SLC39A11: variants seen among roughly 807,000 people sequenced by gnomAD.
The protein encoded by SLC39A11 is solute carrier family 39 member 11.
Under a neutral mutation model 36.1 loss-of-function variants are expected in SLC39A11, and 33 were observed. The observed-to-expected ratio is 0.91, with a 90% CI of 0.69 to 1.22. SLC39A11 has a LOEUF of 1.22. Ranked by LOEUF, SLC39A11 falls within the 50% of genes most tolerant of loss-of-function variation. SLC39A11 has a pLI of 0.00. For synonymous variants in SLC39A11, 166 were observed against 170.3 expected (o/e 0.97, Z 0.20); for missense variants, 432 against 430.3 (o/e 1.00, Z -0.03).
chr17:72,791,170 A>C (rs115785369), intron 6 of SLC39A11, among the ~76,000 whole-genome samples: 88,468 of 151,738 alleles, frequency 0.58, 27,011 homozygotes, highest in Non-Finnish European at 0.69. Context: ...AAGTTTGAGA[A>C]CCGGCTGGGC....
At chr17:72,956,583 G>C (rs1260394465) in intron 4 of SLC39A11, among the ~76,000 whole-genome samples, 1 of 152,202 alleles carries the variant, frequency 6.6e-6, no homozygotes. Flanking sequence ...GAAGTATAAT[G>C]AAGTATTTCT....
chr17:72,719,604 G>A (rs1485830963), intron 7 of SLC39A11, among the ~76,000 whole-genome samples: 1 of 152,218 alleles, frequency 6.6e-6, no homozygotes, highest in East Asian at 1.9e-4. Flanking sequence ...GGACGGACAG[G>A]GCAGCAGTGG....
intron 4 of SLC39A11, among the ~76,000 whole-genome samples, chr17:72,989,036 C>T (rs1039502542): frequency 1.3e-5 from 2 of 152,192 alleles, no homozygotes; most frequent in Admixed American, 6.5e-5. Flanking sequence ...CACGATAAGA[C>T]CTCATCTTCA....
chr17:72,777,561 T>C (rs2076176025), intron 6 of SLC39A11, among the ~76,000 whole-genome samples: 1 of 151,932 alleles, frequency 6.6e-6, no homozygotes, highest in East Asian at 1.9e-4. Context: ...AAGATGGAGG[T>C]GGCATGGGAA....
intron 6 of SLC39A11, among the ~76,000 whole-genome samples, chr17:72,831,129 A>ATTT (rs146986695): frequency 2.7e-5 from 4 of 149,040 alleles, no homozygotes; most frequent in Non-Finnish European, 4.5e-5. Context: ...GGATTCAGAG[A>ATTT]TTTTTTTTTT....
intron 4 of SLC39A11, among the ~76,000 whole-genome samples, chr17:72,979,748 A>C (rs9898678): frequency 0.48 from 72,924 of 151,858 alleles, 18,102 homozygotes; most frequent in African/African-American, 0.6. Context: ...AATCTTGCCT[A>C]TAACAGGTAG....
chr17:72,901,473 G>T (rs2082391937), intron 5 of SLC39A11, among the ~76,000 whole-genome samples: 1 of 152,178 alleles, frequency 6.6e-6, no homozygotes, highest in Non-Finnish European at 1.5e-5. Flanking sequence ...AAGAAGTAGA[G>T]ATTTGGGTAC....
At chr17:72,688,403 T>C (rs1427692529) in intron 7 of SLC39A11, among the ~76,000 whole-genome samples, 1 of 152,228 alleles carries the variant, frequency 6.6e-6, no homozygotes, top group Non-Finnish European at 1.5e-5. Context: ...CCTGCAGCCG[T>C]GTCATGCTGG....
At chr17:72,930,645 C>A (rs1450649578) in intron 5 of SLC39A11, among the ~76,000 whole-genome samples, 1 of 152,162 alleles carries the variant, frequency 6.6e-6, no homozygotes, top group African/African-American at 2.4e-5. Context: ...GGATGAGGGG[C>A]TGAAGGATTG....
intron 4 of SLC39A11, 71 bp from the exon 5 acceptor site, chr17:72,947,946 G>A (rs1237201114): frequency 8.2e-6 from 13 of 1,580,190 alleles, no homozygotes; most frequent in South Asian, 2.2e-5. Context: ...TCTGGCTCAC[G>A]GGCGCCAAGG....
intron 3 of SLC39A11, among the ~76,000 whole-genome samples, chr17:73,076,679 C>T (rs1292731290): frequency 6.6e-6 from 1 of 152,144 alleles, no homozygotes; most frequent in Non-Finnish European, 1.5e-5. Context: ...CAGGATGGCA[C>T]ATTTCACTGA....
At chr17:72,754,170 T>C (rs1431887834) in intron 6 of SLC39A11, among the ~76,000 whole-genome samples, 4 of 151,730 alleles carry the variant, frequency 2.6e-5, no homozygotes, top group Admixed American at 1.3e-4. Flanking sequence ...TTGGAGACTA[T>C]TATTCTAAGT....
At chr17:72,880,504 C>A (rs2081142120) in intron 5 of SLC39A11, among the ~76,000 whole-genome samples, 1 of 151,900 alleles carries the variant, frequency 6.6e-6, no homozygotes, top group Admixed American at 6.6e-5. Flanking sequence ...CTCTGGGAGG[C>A]AGAGGTTGCA....
intron 5 of SLC39A11, among the ~76,000 whole-genome samples, chr17:72,882,797 C>CTTTTTTTTTTTTTCTTTTTCTT (rs2081260530): frequency 1.6e-5 from 1 of 60,610 alleles, no homozygotes; most frequent in African/African-American, 1.3e-4. Flanking sequence ...GAGAATGCTT[C>CTTTTTTTTTTTTTCTTTTTCTT]TTTTTTTTTT....
In SLC39A11 at chr17:72,768,917, C is replaced by T. The variant is rs906987210; in HGVS notation, c.602-32198G>A. Among the ~76,000 whole-genome samples the T allele has an allele frequency of 2.6e-5, 4 of 152,110 alleles. No individual in the cohort carries two copies. In the South Asian group the frequency reaches 8.3e-4, roughly 32 times the overall value. ...CTGGGACTATAGGCGCCCGCCACCA[C>T]GCTCGGCTAATTTTCTGTATTTTTA... On this transcript the variant is annotated intron_variant, in intron 6 of 9. Coordinates refer to ENST00000255559, the MANE Select transcript of SLC39A11 (RefSeq NM_139177.4).
At chr17:72,679,188 T>C (rs1269783991) in intron 7 of SLC39A11, among the ~76,000 whole-genome samples, 1 of 152,074 alleles carries the variant, frequency 6.6e-6, no homozygotes, top group Non-Finnish European at 1.5e-5. Flanking sequence ...GATGGAAGGA[T>C]CACATTCTAG....
intron 6 of SLC39A11, among the ~76,000 whole-genome samples, chr17:72,797,935 G>C (rs1287485306): frequency 3.3e-5 from 5 of 152,134 alleles, no homozygotes; most frequent in Non-Finnish European, 7.3e-5. Context: ...CTATCACCCA[G>C]GGAGGCTATG....
intron 5 of SLC39A11, among the ~76,000 whole-genome samples, chr17:72,930,196 T>C (rs1039768844): frequency 2.0e-5 from 3 of 152,196 alleles, no homozygotes; most frequent in African/African-American, 4.8e-5. Context: ...CCAGGGCAGC[T>C]CATTAGTTCT....
chr17:72,656,894 G>C (rs892107517), intron 7 of SLC39A11, among the ~76,000 whole-genome samples: 1 of 150,200 alleles, frequency 6.7e-6, no homozygotes, highest in Non-Finnish European at 1.5e-5. Flanking sequence ...CTGTAATCCC[G>C]GCACTTTGGG....
Sources: allele counts gnomAD v4.1 joint callset (sites outside exome capture counted in the v4.1 genomes callset), GRCh38; gene constraint gnomAD v4.1.1; transcripts MANE v1.5; gene names NCBI Gene and HGNC (gene_info 2026-07-23, HGNC 2026-07-21).